The following HAPLN4 variants were observed in gnomAD, a reference collection of about 807,000 sequenced individuals.
HAPLN4 encodes hyaluronan and proteoglycan link protein 4, also known as brain link protein 2.
HAPLN4 carries 19 observed loss-of-function variants against 28.0 expected under a neutral mutation model. The observed-to-expected ratio is 0.68, with a 90% confidence interval of 0.47 to 1.00. HAPLN4 has a LOEUF of 1.00. Ranked by LOEUF, HAPLN4 falls within the 50% of genes least tolerant of loss-of-function variation. The pLI is 0.00. For missense variants in HAPLN4, 587 were observed against 602.6 expected, an observed-to-expected ratio of 0.97 and a Z score of 0.27; for synonymous variants, 274 against 273.0, an observed-to-expected ratio of 1.00 and a Z score of -0.03.
intron 3 of HAPLN4, among the ~76,000 whole-genome samples, chr19:19,259,532 G>C (rs1206655319): frequency 7.4e-6 from 1 of 135,722 alleles, no homozygotes; most frequent in Non-Finnish European, 1.7e-5. Context: ...GCCTGGAGCT[G>C]ACAGACTGGG....
rs1037203148 is a variant in HAPLN4, at chr19:19,257,913, G to A, written c.1113C>T (p.Asp371=). Residue 371 remains aspartate, a synonymous_variant, in exon 5 of 5, where the codon GAC becomes GAT. Transcript: ENST00000291481. ...CCCAGCCCCAGCCGCCAGGTGCCGG[G>A]TCCGGTGCTCCTGGAGCGCGGTAGC... is the stretch of plus-strand genomic sequence containing the variant. ...VYCYRAPGAP[D]PAPGGWGWGW... is the part of the protein sequence containing the mutation. The A allele has an allele frequency of 6.6e-7, 1 of 1,504,252 alleles. No individual in the cohort carries two copies. The highest frequency in any genetic ancestry group is 8.8e-7 in the Non-Finnish European group (1 of 1,133,476). 93.2% of individuals were successfully genotyped at this position (1,504,252 alleles called of 1,614,324 possible).
At chr19:19,260,309 C>T (rs1286524589) in intron 3 of HAPLN4, among the ~76,000 whole-genome samples, 3 of 152,148 alleles carry the variant, frequency 2.0e-5, no homozygotes, top group Non-Finnish European at 4.4e-5. Flanking sequence ...CTCCACCTCC[C>T]GGGTTCAAGA....
In HAPLN4 at chr19:19,260,903, TG is replaced by T; in HGVS notation, c.393del (p.Asn132ThrfsTer45). 1 of 1,614,110 alleles carries T rather than the reference TG, an allele frequency of 6.2e-7. No homozygotes were observed. The highest frequency in any genetic ancestry group is 1.1e-5 in the South Asian group (1 of 91,088). On this transcript the variant is annotated frameshift_variant, in exon 3 of 5. Transcript: ENST00000291481. LOFTEE classifies it high-confidence loss of function. ...CGCCCGTAGTCTTGCAGCGTGACGT[TG>T]CGGAGGACCAGGGAGGCATCCCCAG... Reference protein sequence around the residue: ...DGPGDASLVLRNVTLQDYGRY... With the variant: ...DGPGDASLVLXNVTLQDYGRY...
In HAPLN4 at chr19:19,257,956, C is replaced by A. The variant is rs747252033; in HGVS notation, c.1070G>T (p.Arg357Leu). Residue 357 changes from arginine to leucine, a missense_variant, in exon 5 of 5, where the codon CGG becomes CTG. Coordinates refer to ENST00000291481, the MANE Select transcript of HAPLN4 (RefSeq NM_023002.3). Reference sequence around the variant, plus strand: ...GCGGTAGCAGTAGACGCCGAAGAGCCGTCGGGTGGCGTCCGGGAAGCCGAG... The same window carrying A: ...GCGGTAGCAGTAGACGCCGAAGAGCAGTCGGGTGGCGTCCGGGAAGCCGAG... Reference protein sequence around the residue: ...RSLGFPDATRRLFGVYCYRAP... With the variant: ...RSLGFPDATRLLFGVYCYRAP... The A allele has an allele frequency of 2.6e-6, 4 of 1,513,134 alleles. No individual in the cohort carries two copies. Among genetic ancestry groups the A allele is most frequent in the Admixed American group, 2.1e-5 (1 of 48,136 alleles). 93.7% of individuals were successfully genotyped at this position (1,513,134 alleles called of 1,614,324 possible). A position where few individuals can be genotyped will look rare whatever the true frequency, so the allele number is the denominator to read the frequency against.
chr19:19,261,806 C>T (rs2060984542), intron 1 of HAPLN4: 1 of 442,426 alleles, frequency 2.3e-6, no homozygotes, highest in Non-Finnish European at 4.0e-6. Flanking sequence ...CGCCTCATTC[C>T]CCCCCACCCC....
Position 19,261,325 on chromosome 19 carries a change from C to T in HAPLN4, c.121+121G>A. The T allele has an allele frequency of 4.8e-6, 6 of 1,240,714 alleles. No homozygotes were observed. The South Asian group carries it at 7.6e-5, about 16-fold the overall frequency. The allele number at this position is 1,240,714 out of a possible 1,614,324, so 76.9% of individuals were successfully genotyped here. On this transcript the variant is annotated intron_variant, in intron 2 of 4. Transcript: ENST00000291481. ...AGGGGCTCAGGGAGAGGGCGAGGGG[C>T]TCAGATGGGGAGTGGCTGGGGGAAC...
chr19:19,258,949 T>G lies in HAPLN4; in HGVS notation c.485-94A>C. On this transcript the variant is annotated intron_variant, in intron 3 of 4. Transcript: ENST00000291481. The surrounding 1 kb of genome is among the most constrained non-coding windows in gnomAD (Gnocchi z 6.2). ...CTATGTGACTCTTCAACCGGGACCT[T>G]TCAGTCCATTCCTCCTCACTCTGGC... The G allele has an allele frequency of 9.8e-7, 1 of 1,020,878 alleles. No individual in the cohort carries two copies. Among genetic ancestry groups the G allele is most frequent in the African/African-American group, 1.6e-5 (1 of 61,230 alleles). The allele number at this position is 1,020,878 out of a possible 1,614,324, so 63.2% of individuals were successfully genotyped here.
rs776870555 is a variant in HAPLN4 at position 19,257,369 on chromosome 19, C to G, written c.*448G>C. 3 of 158,456 alleles carry G rather than the reference C, an allele frequency of 1.9e-5. No homozygotes were observed. The highest frequency in any genetic ancestry group is 6.5e-5 in the Admixed American group (1 of 15,384). 9.8% of individuals were successfully genotyped at this position (158,456 alleles called of 1,614,324 possible). On this transcript the variant is annotated 3_prime_UTR_variant, in exon 5 of 5. Transcript: ENST00000291481. ...GGAGGCGCCCAGTGTCCCACGTGAC[C>G]GCAAGGGACTAGTGTTCAGTCTCCA...
rs1316087431 is a variant in HAPLN4 at position 19,258,016 on chromosome 19, G to A, written c.1010C>T (p.Ala337Val). 3 of 1,521,252 alleles carry A rather than the reference G, an allele frequency of 2.0e-6. No individual in the cohort carries two copies. The South Asian group carries it at 3.6e-5, about 18-fold the overall frequency. The allele number at this position is 1,521,252 out of a possible 1,614,324, so 94.2% of individuals were successfully genotyped here. Residue 337 changes from alanine (A) to valine (V), a missense_variant, in exon 5 of 5, where the codon GCG becomes GTG. Coordinates refer to ENST00000291481, the MANE Select transcript of HAPLN4 (RefSeq NM_023002.3). The surrounding 1 kb of genome is among the most constrained non-coding windows in gnomAD (Gnocchi z 6.2). ...SARYPIVNPR[A>V]RCGGRRPGVR... The stretch of plus-strand genomic sequence containing the variant: ...ACCAGGCCTGCGGCCTCCGCAGCGC[G>A]CTCGCGGGTTCACGATGGGGTAGCG...
At position 19,261,127 on chromosome 19, in the gene HAPLN4, A is replaced by G; in HGVS notation, c.170T>C (p.Val57Ala). Residue 57 changes from valine to alanine, a missense_variant, in exon 3 of 5, where the codon GTA (valine) becomes GCA (alanine). Coordinates refer to ENST00000291481, the MANE Select transcript of HAPLN4 (RefSeq NM_023002.3). ...VVVQTAPGQV[V>A]SHRGGTIVLP... is the part of the protein sequence containing the mutation. ...GACGATGGTGCCACCACGGTGGCTT[A>G]CCACCTGCCCAGGCGCTGTCTGTAC... 6.2e-7 allele frequency: 1 copy of G among 1,610,328 alleles called. No individual in the cohort carries two copies. Among genetic ancestry groups the G allele is most frequent in the South Asian group, 1.1e-5 (1 of 90,920 alleles).
chr19:19,260,879 G>T lies in HAPLN4; in HGVS notation c.418C>A (p.Arg140Ser), dbSNP rs144698679. 6.2e-7 allele frequency: 1 copy of T among 1,614,084 alleles called. No homozygotes were observed. Among genetic ancestry groups the T allele is most frequent in the Non-Finnish European group, 8.5e-7 (1 of 1,180,022 alleles). ...LRNVTLQDYG[R>S]YECEVTNELE... ...TCATTGGTGACTTCGCACTCATAGC[G>T]CCCGTAGTCTTGCAGCGTGACGTTG... Residue 140 changes from arginine to serine, a missense_variant, in exon 3 of 5, where the codon CGC (arginine) becomes AGC (serine). By Grantham distance (110) the Arg-to-Ser change is moderately radical (BLOSUM62 -1). Transcript: ENST00000291481.
In HAPLN4 at chr19:19,258,282, C is replaced by T; in HGVS notation, c.818-74G>A. 7.3e-7 allele frequency: 1 copy of T among 1,371,562 alleles called. No individual in the cohort carries two copies. Among genetic ancestry groups the T allele is most frequent in the South Asian group, 1.5e-5 (1 of 67,964 alleles). The allele number at this position is 1,371,562 out of a possible 1,614,324, so 85.0% of individuals were successfully genotyped here. A position where few individuals can be genotyped will look rare whatever the true frequency, so the allele number is the denominator to read the frequency against. ...CTGCTTCGGTGGGATTCAGGACTGC[C>T]CCCCGCATGCAGCCTAGGACTCTGG... On this transcript the variant is annotated intron_variant, in intron 4 of 4. Transcript: ENST00000291481. This position sits in a 1 kb window ranked among gnomAD's most constrained non-coding sequence, Gnocchi z 6.2.
Position 19,258,690 on chromosome 19 carries a change from C to T in HAPLN4, c.650G>A (p.Gly217Asp). The change falls in exon 4 of 5, where the codon GGC becomes GAC. Residue 217 changes from glycine to aspartate, a missense_variant. By Grantham distance (94) the Gly-to-Asp change is moderately conservative (BLOSUM62 -1). Transcript: ENST00000291481. This position sits in a 1 kb window ranked among gnomAD's most constrained non-coding sequence, Gnocchi z 6.2. ...DWCNAGWLRD[G>D]SVQYPVNRPR... ...CCGGTTCACGGGGTATTGCACTGAGCCGTCGCGCAACCAGCCCGCGTTGCA... is the reference window on the plus strand; with the variant it reads ...CCGGTTCACGGGGTATTGCACTGAGTCGTCGCGCAACCAGCCCGCGTTGCA... 1.9e-6 allele frequency: 3 copies of T among 1,607,386 alleles called. No individual in the cohort carries two copies. The highest frequency in any genetic ancestry group is 1.7e-6 in the Non-Finnish European group (2 of 1,177,794).
chr19:19,258,469 C>T lies in HAPLN4; in HGVS notation c.817+54G>A. The T allele has an allele frequency of 1.9e-6, 3 of 1,552,542 alleles. No homozygotes were observed. Among genetic ancestry groups the T allele is most frequent in the Non-Finnish European group, 1.8e-6 (2 of 1,133,672 alleles). ...AAGAGCTGGGTGGGGAAGAAGGCCC[C>T]GGGGTTGGGGTAGTGTTGCAGCAGA... On this transcript the variant is annotated intron_variant, in intron 4 of 4. Transcript: ENST00000291481. This position sits in a 1 kb window ranked among gnomAD's most constrained non-coding sequence, Gnocchi z 6.2.
In HAPLN4 at chr19:19,258,583, C is replaced by T. The variant is rs961855111; in HGVS notation, c.757G>A (p.Gly253Arg). The T allele has an allele frequency of 6.2e-6, 10 of 1,613,596 alleles. No individual in the cohort carries two copies. The highest frequency in any genetic ancestry group is 1.7e-5 in the Admixed American group (1 of 59,992). ...CGTTCCTCGGCGTTATGGCGATACC[C>T]GTAGTTGCGCAGGCCCCCGTTGGCA... Reference protein sequence around the residue: ...GDANGGLRNYGYRHNAEERYD... With the variant: ...GDANGGLRNYRYRHNAEERYD... The change falls in exon 4 of 5, where the codon GGG (glycine) becomes AGG (arginine). Residue 253 changes from glycine (G) to arginine (R), a missense_variant. Physicochemically the swap from Gly to Arg is moderately radical, Grantham distance 125. Coordinates refer to ENST00000291481, the MANE Select transcript of HAPLN4 (RefSeq NM_023002.3). The surrounding 1 kb of genome is among the most constrained non-coding windows in gnomAD (Gnocchi z 6.2).
rs931991963 is a variant in HAPLN4 at position 19,259,671 on chromosome 19, C to G, written c.485-816G>C. On this transcript the variant is annotated intron_variant, in intron 3 of 4. Coordinates refer to ENST00000291481, the MANE Select transcript of HAPLN4 (RefSeq NM_023002.3). ...TTTTAGGAAATTAAATTAGAGACTC[C>G]TGAGAACTCTTCAACTAAGCACCTG... Among the ~76,000 whole-genome samples the G allele has an allele frequency of 2.0e-5, 3 of 152,126 alleles. No individual in the cohort carries two copies. In the South Asian group the frequency reaches 6.2e-4, roughly 32 times the overall value.
chr19:19,262,157 G>C (rs1363712343), intron 1 of HAPLN4, among the ~76,000 whole-genome samples: 3 of 151,596 alleles, frequency 2.0e-5, no homozygotes, highest in Non-Finnish European at 4.4e-5. Flanking sequence ...GAGAGGGAGA[G>C]ACAGAGAGGC....
In HAPLN4 at chr19:19,257,946, G is replaced by T; in HGVS notation, c.1080C>A (p.Gly360=). 1.3e-6 allele frequency: 2 copies of T among 1,514,998 alleles called. No homozygotes were observed. Among genetic ancestry groups the T allele is most frequent in the African/African-American group, 1.4e-5 (1 of 70,112 alleles). 93.8% of individuals were successfully genotyped at this position (1,514,998 alleles called of 1,614,324 possible). ...GFPDATRRLF[G]VYCYRAPGAP... ...CTCCTGGAGCGCGGTAGCAGTAGAC[G>T]CCGAAGAGCCGTCGGGTGGCGTCCG... The change falls in exon 5 of 5, where the codon GGC becomes GGA. Residue 360 remains glycine, a synonymous_variant. Transcript: ENST00000291481.
rs899412658 is a variant in HAPLN4, at chr19:19,254,886, T to A, written c.*2931A>T. 6.6e-6 allele frequency: 1 copy of A among 152,288 alleles called. No homozygotes were observed. Among genetic ancestry groups the A allele is most frequent in the African/African-American group, 2.4e-5 (1 of 41,444 alleles). The allele number at this position is 152,288 out of a possible 1,614,324, so 9.4% of individuals were successfully genotyped here. A position where few individuals can be genotyped will look rare whatever the true frequency, so the allele number is the denominator to read the frequency against. ...AAGCAATCCTCCCACCTTGGTCTCT[T>A]AAAGTGCTGGGATTATAGGCATGAT... On this transcript the variant is annotated 3_prime_UTR_variant, in exon 5 of 5. Transcript: ENST00000291481.
Sources: allele counts gnomAD v4.1 joint callset (sites outside exome capture counted in the v4.1 genomes callset), GRCh38; gene constraint gnomAD v4.1.1; non-coding constraint Gnocchi (gnomAD v3.1); transcripts MANE v1.5; gene names NCBI Gene and HGNC (gene_info 2026-07-23, HGNC 2026-07-21).